The following SIL1 variants were observed in gnomAD, a reference collection of about 807,000 sequenced individuals.
SIL1 encodes nucleotide exchange factor SIL1.
In SIL1, 40 loss-of-function variants were observed where a neutral mutation model predicts 49.1. The observed-to-expected ratio is 0.81, with a 90% CI of 0.63 to 1.06. SIL1 has a LOEUF of 1.06. Ranked by LOEUF, SIL1 falls within the 50% of genes least tolerant of loss-of-function variation. SIL1 has a pLI of 0.00. For missense variants in SIL1, 500 were observed against 572.6 expected, an observed-to-expected ratio of 0.87 and a Z score of 1.29; for synonymous variants, 253 against 250.8, an observed-to-expected ratio of 1.01 and a Z score of -0.08.
At chr5:139,167,701 TAC>T (rs1157661574) in intron 1 of SIL1, among the ~76,000 whole-genome samples, 1 of 152,230 alleles carries the variant, frequency 6.6e-6, no homozygotes, top group African/African-American at 2.4e-5. Flanking sequence ...AGCCTAAGTG[TAC>T]AGTGTTTATA....
intron 4 of SIL1, among the ~76,000 whole-genome samples, chr5:139,049,316 G>T (rs995861360): frequency 6.6e-6 from 1 of 152,146 alleles, no homozygotes; most frequent in Non-Finnish European, 1.5e-5. Flanking sequence ...GGGATTACAG[G>T]CACCTGCCAC....
chr5:139,184,594 G>A (rs1335963169), intron 1 of SIL1, among the ~76,000 whole-genome samples: 1 of 152,126 alleles, frequency 6.6e-6, no homozygotes, highest in Non-Finnish European at 1.5e-5. Flanking sequence ...GATATCTTGA[G>A]CCCAAGATTT....
chr5:139,150,094 T>G (rs1454879460), intron 1 of SIL1, among the ~76,000 whole-genome samples: 1 of 152,222 alleles, frequency 6.6e-6, no homozygotes, highest in East Asian at 1.9e-4. Flanking sequence ...AACTCTCAAC[T>G]TCTACTTCAC....
chr5:138,951,198 T>C lies in SIL1; in HGVS notation c.1002A>G (p.Thr334=). 6.2e-7 allele frequency: 1 copy of C among 1,611,428 alleles called. No individual in the cohort carries two copies. ...TCTCCGTGACCAGGTCGTAGAGCAG[T>C]GTGACCACGCGCACGGCGAGCACCT... is the stretch of plus-strand genomic sequence containing the variant. The part of the protein sequence containing the change: ...GTEVLAVRVV[T]LLYDLVTEKM... The change falls in exon 9 of 10, where the codon ACA becomes ACG. Residue 334 remains threonine (T), a synonymous_variant. Coordinates refer to ENST00000394817, the MANE Select transcript of SIL1 (RefSeq NM_022464.5).
At chr5:139,152,875 A>C (rs559354623) in intron 1 of SIL1, among the ~76,000 whole-genome samples, 1 of 152,068 alleles carries the variant, frequency 6.6e-6, no homozygotes, top group Non-Finnish European at 1.5e-5. Flanking sequence ...AGTGAGTGCA[A>C]TGGCGCGATC....
At chr5:139,149,074 G>A (rs11739682) in intron 1 of SIL1, among the ~76,000 whole-genome samples, 44,536 of 151,708 alleles carry the variant, frequency 0.29, 7,424 homozygotes, top group South Asian at 0.41. Flanking sequence ...CCCTGGCTTC[G>A]GAGAAGCCAG....
intron 3 of SIL1, among the ~76,000 whole-genome samples, chr5:139,114,045 G>T (rs1043092633): frequency 6.6e-6 from 1 of 152,236 alleles, no homozygotes; most frequent in Non-Finnish European, 1.5e-5. Context: ...GTTAGAAAGA[G>T]GATGGCCAAC....
chr5:138,968,906 G>T (rs886747853), intron 7 of SIL1, among the ~76,000 whole-genome samples: 1 of 151,982 alleles, frequency 6.6e-6, no homozygotes, highest in African/African-American at 2.4e-5. Context: ...ATCAGACTCC[G>T]CGACTGCCCT....
At chr5:138,963,750 T>C (rs543563957) in intron 7 of SIL1, among the ~76,000 whole-genome samples, 1 of 152,364 alleles carries the variant, frequency 6.6e-6, no homozygotes, top group South Asian at 2.1e-4. Flanking sequence ...TTAGTTCTAG[T>C]TCAGAGAGGC....
At chr5:139,020,203 C>T (rs886876426) in intron 7 of SIL1, among the ~76,000 whole-genome samples, 2 of 152,228 alleles carry the variant, frequency 1.3e-5, no homozygotes, top group South Asian at 4.1e-4. Flanking sequence ...CCGGCAGTGC[C>T]TCTCCTCATG....
At chr5:139,089,098 G>A (rs994511226) in intron 3 of SIL1, among the ~76,000 whole-genome samples, 8 of 152,110 alleles carry the variant, frequency 5.3e-5, no homozygotes, top group South Asian at 2.1e-4. Context: ...TAGTATATAC[G>A]GTTGGAACAC....
At chr5:139,087,613 A>AT (rs958028097) in intron 3 of SIL1, among the ~76,000 whole-genome samples, 3 of 152,148 alleles carry the variant, frequency 2.0e-5, no homozygotes, top group African/African-American at 7.2e-5. Context: ...CAATAGGCTT[A>AT]TGGGAACTGG....
intron 5 of SIL1, among the ~76,000 whole-genome samples, chr5:139,031,647 G>A (rs1174247565): frequency 2.0e-5 from 3 of 152,096 alleles, no homozygotes; most frequent in Admixed American, 2.0e-4. Context: ...AAAAAATCCT[G>A]CTGAAATTTT....
At chr5:139,077,589 C>T (rs1030306917) in intron 3 of SIL1, among the ~76,000 whole-genome samples, 1 of 152,174 alleles carries the variant, frequency 6.6e-6, no homozygotes, top group Non-Finnish European at 1.5e-5. Context: ...TACCTTACCT[C>T]TTAAGCTCAG....
rs540562385 is a variant in SIL1, at chr5:139,118,216, T to C, written c.244+2819A>G. On this transcript the variant is annotated intron_variant, in intron 3 of 9. Transcript: ENST00000394817. ...AGGGAGAGAGGACATTTCATGAACA[T>C]GCAAGTCTCTTCTTCACATCGTAAG... is the stretch of plus-strand genomic sequence containing the variant. Among the ~76,000 whole-genome samples the C allele has an allele frequency of 3.3e-5, 5 of 152,310 alleles. No individual in the cohort carries two copies. In the South Asian group the frequency reaches 6.2e-4, roughly 19 times the overall value.
chr5:139,032,317 T>C (rs1227547198), intron 5 of SIL1, among the ~76,000 whole-genome samples: 2 of 152,242 alleles, frequency 1.3e-5, no homozygotes, highest in African/African-American at 4.8e-5. Context: ...TTAACTGACA[T>C]AAGATGATGT....
At chr5:139,172,623 C>T (rs1460816245) in intron 1 of SIL1, among the ~76,000 whole-genome samples, 1 of 135,638 alleles carries the variant, frequency 7.4e-6, no homozygotes, top group African/African-American at 2.6e-5. Context: ...TAGCGTGAGA[C>T]TCCGTCTCAA....
chr5:139,042,568 G>T (rs1165686117), intron 5 of SIL1, 52 bp downstream of exon 5: 2 of 1,466,386 alleles, frequency 1.4e-6, no homozygotes, highest in East Asian at 2.3e-5. Flanking sequence ...TCTCTGCAAA[G>T]ACAACAAGGC....
At chr5:139,134,750 C>A (rs1750937935) in intron 1 of SIL1, among the ~76,000 whole-genome samples, 1 of 152,214 alleles carries the variant, frequency 6.6e-6, no homozygotes, top group Admixed American at 6.5e-5. Flanking sequence ...GCCAAGCCAC[C>A]AACATGCAGA....
Sources: allele counts gnomAD v4.1 joint callset (sites outside exome capture counted in the v4.1 genomes callset), GRCh38; gene constraint gnomAD v4.1.1; transcripts MANE v1.5; gene names NCBI Gene and HGNC (gene_info 2026-07-23, HGNC 2026-07-21).